Variants in FLI1 observed in about 807,000 individuals in gnomAD.
FLI1 encodes the protein Fli-1 proto-oncogene, ETS transcription factor, also known as Friend leukemia integration 1 transcription factor.
In FLI1, 13 loss-of-function variants were observed where a neutral mutation model predicts 53.1. The ratio of observed to expected loss-of-function variants is 0.24; its 90% CI spans 0.16 to 0.39. The LOEUF is 0.39. Ranked by LOEUF, FLI1 falls within the 10% of genes least tolerant of loss-of-function variation. The pLI is 1.00. For missense variants in FLI1, 424 were observed against 600.5 expected, an observed-to-expected ratio of 0.71 and a Z score of 3.07; for synonymous variants, 244 against 236.7, an observed-to-expected ratio of 1.03 and a Z score of -0.28.
intron 2 of FLI1, among the ~76,000 whole-genome samples, chr11:128,763,713 C>G (rs951957333): frequency 6.6e-6 from 1 of 152,176 alleles, no homozygotes; most frequent in African/African-American, 2.4e-5. Context: ...CTTGTGTTCT[C>G]AACCTTGCAG....
chr11:128,704,603 T>C (rs963343930), intron 1 of FLI1, among the ~76,000 whole-genome samples: 2 of 152,210 alleles, frequency 1.3e-5, no homozygotes, highest in Non-Finnish European at 2.9e-5. Flanking sequence ...AAACAATAAT[T>C]TGATGTCCAA....
At chr11:128,799,297 TTC>T (rs1942554697) in intron 5 of FLI1, among the ~76,000 whole-genome samples, 1 of 152,102 alleles carries the variant, frequency 6.6e-6, no homozygotes, top group Non-Finnish European at 1.5e-5. Flanking sequence ...GCCCTCAGGC[TTC>T]TCTTCCTTTT....
chr11:128,812,031 GT>G lies in FLI1; in HGVS notation c.*1048del. Reference sequence around the variant, plus strand: ...GGCTGTCTGTATGTTTTTATAGCTGGTTTTTAAAAAGCATAATATGCCTATA... The same window carrying G: ...GGCTGTCTGTATGTTTTTATAGCTGGTTTTAAAAAGCATAATATGCCTATA... On this transcript the variant is annotated 3_prime_UTR_variant, in exon 9 of 9. Transcript: ENST00000527786. 1 of 205,480 alleles carries G rather than the reference GT, an allele frequency of 4.9e-6. No individual in the cohort carries two copies. The highest frequency in any genetic ancestry group is 6.0e-5 in the Admixed American group (1 of 16,770). 12.7% of individuals were successfully genotyped at this position (205,480 alleles called of 1,614,324 possible).
intron 1 of FLI1, among the ~76,000 whole-genome samples, chr11:128,757,043 T>TC (rs1420627668): frequency 3.1e-4 from 46 of 148,110 alleles, no homozygotes; most frequent in Non-Finnish European, 4.3e-4. Flanking sequence ...TCTAGCTAAT[T>TC]TTTTCTTTCT....
At chr11:128,723,767 C>A (rs1197462098) in intron 1 of FLI1, among the ~76,000 whole-genome samples, 1 of 152,012 alleles carries the variant, frequency 6.6e-6, no homozygotes, top group East Asian at 1.9e-4. Flanking sequence ...ATTTAAGATC[C>A]TCTGAAGGAA....
At chr11:128,690,242 C>T (rs762355146), upstream of FLI1, among the ~76,000 whole-genome samples, 1 of 152,242 alleles carries the variant, frequency 6.6e-6, no homozygotes, top group East Asian at 1.9e-4. Flanking sequence ...TTTTCTCCCG[C>T]CCTCTCCTCC....
At chr11:128,753,030 G>T (rs1054078194) in intron 1 of FLI1, among the ~76,000 whole-genome samples, 3 of 152,198 alleles carry the variant, frequency 2.0e-5, no homozygotes, top group African/African-American at 7.2e-5. Context: ...AGCTTGCCTT[G>T]CCAGAGGTCT....
intron 5 of FLI1, among the ~76,000 whole-genome samples, chr11:128,783,912 G>T (rs1222792388): frequency 6.6e-6 from 1 of 151,820 alleles, no homozygotes; most frequent in East Asian, 1.9e-4. Context: ...GGGGAAAAAT[G>T]ACTAGAGGGA....
At chr11:128,777,183 G>A (rs1225219476) in intron 4 of FLI1, among the ~76,000 whole-genome samples, 5 of 152,174 alleles carry the variant, frequency 3.3e-5, no homozygotes, top group Non-Finnish European at 7.3e-5. Flanking sequence ...GAAACGGAGG[G>A]CGCCGGGCTG....
chr11:128,749,095 T>C (rs1248710158), intron 1 of FLI1, among the ~76,000 whole-genome samples: 1 of 152,184 alleles, frequency 6.6e-6, no homozygotes, highest in Non-Finnish European at 1.5e-5. Flanking sequence ...CCTCACTGTG[T>C]GAACCTAGAA....
intron 1 of FLI1, among the ~76,000 whole-genome samples, chr11:128,704,854 A>G (rs190865957): frequency 3.2e-4 from 48 of 152,344 alleles, no homozygotes; most frequent in Admixed American, 6.5e-4. Context: ...AAAAATGAGG[A>G]AGAACAATCA....
At chr11:128,783,137 A>G (rs533420881) in intron 5 of FLI1, among the ~76,000 whole-genome samples, 76 of 152,282 alleles carry the variant, frequency 5.0e-4, no homozygotes, top group African/African-American at 1.6e-3. Context: ...TCCCCAAAAT[A>G]TATAAGAAAG....
At chr11:128,809,266 C>A in intron 8 of FLI1, 62 bp downstream of exon 8, 1 of 1,419,094 alleles carries the variant, frequency 7.0e-7, no homozygotes, top group Non-Finnish European at 1.0e-6. Context: ...TGTGAAATCA[C>A]AGAGACTTCT....
chr11:128,776,249 A>G (rs568939264), intron 4 of FLI1, among the ~76,000 whole-genome samples: 4 of 152,272 alleles, frequency 2.6e-5, no homozygotes, highest in Admixed American at 2.6e-4. Context: ...GCTGTGCCAG[A>G]GGAGCTGTGT....
chr11:128,768,015 G>A, intron 2 of FLI1, 103 bp from the exon 3 acceptor site: 2 of 1,039,180 alleles, frequency 1.9e-6, no homozygotes, highest in Admixed American at 2.6e-5. Flanking sequence ...CCGGGCAATG[G>A]CTCCATGCTC....
At chr11:128,777,193 G>A (rs1163660811) in intron 4 of FLI1, among the ~76,000 whole-genome samples, 1 of 152,172 alleles carries the variant, frequency 6.6e-6, no homozygotes, top group African/African-American at 2.4e-5. Context: ...GCGCCGGGCT[G>A]GCAGTTCAGG....
upstream of FLI1, among the ~76,000 whole-genome samples, chr11:128,692,350 C>T (rs374215248): frequency 1.7e-3 from 256 of 152,232 alleles, no homozygotes; most frequent in South Asian, 6.2e-3. Context: ...CCAGATGTGG[C>T]GGTCCCAGGG....
exon 1 of FLI1, chr11:128,686,556 C>G: frequency 6.8e-6 from 3 of 443,532 alleles, no homozygotes; most frequent in Non-Finnish European, 1.4e-5. Context: ...ATCTGCATCC[C>G]CACTTCATCA....
At chr11:128,741,703 T>C (rs574996394) in intron 1 of FLI1, among the ~76,000 whole-genome samples, 3 of 152,336 alleles carry the variant, frequency 2.0e-5, no homozygotes, top group Non-Finnish European at 2.9e-5. Context: ...CCTGAGCCAA[T>C]GAAGTGTTAA....
Sources: allele counts gnomAD v4.1 joint callset (sites outside exome capture counted in the v4.1 genomes callset), GRCh38; gene constraint gnomAD v4.1.1; transcripts MANE v1.5; gene names NCBI Gene and HGNC (gene_info 2026-07-23, HGNC 2026-07-21).